Variants in MPPED2 observed in about 807,000 individuals in gnomAD.
The protein encoded by MPPED2 is metallophosphoesterase domain containing 2, also known as metallophosphoesterase MPPED2.
Under a neutral mutation model 33.0 loss-of-function variants are expected in MPPED2, and 5 were observed. The ratio of observed to expected loss-of-function variants is 0.15; its 90% confidence interval spans 0.08 to 0.32. The LOEUF (loss-of-function observed/expected upper bound fraction) is 0.32, where lower values mean the gene tolerates loss of function less well. Among genes scored for constraint, MPPED2 ranks in the 10% least tolerant of loss-of-function variants. MPPED2 has a pLI of 1.00. For missense variants in MPPED2, 275 were observed against 372.1 expected, an observed-to-expected ratio of 0.74 and a Z score of 2.15; for synonymous variants, 136 against 141.9, an observed-to-expected ratio of 0.96 and a Z score of 0.29.
downstream of MPPED2, among the ~76,000 whole-genome samples, chr11:30,407,389 A>G (rs1171668355): frequency 1.3e-5 from 2 of 152,240 alleles, no homozygotes; most frequent in African/African-American, 2.4e-5. Context: ...TTTGGAGATT[A>G]GAAGTGATTT....
At chr11:30,573,614 G>A (rs1396661015) in intron 2 of MPPED2, among the ~76,000 whole-genome samples, 2 of 152,128 alleles carry the variant, frequency 1.3e-5, no homozygotes, top group African/African-American at 2.4e-5. Context: ...GAATGATCCT[G>A]ACCCTATGTA....
At chr11:30,496,759 G>C (rs1952281679) in intron 3 of MPPED2, among the ~76,000 whole-genome samples, 3 of 152,036 alleles carry the variant, frequency 2.0e-5, no homozygotes, top group Non-Finnish European at 2.9e-5. Context: ...CAGTCCACTT[G>C]GATTTCAGCA....
intron 6 of MPPED2, chr11:30,389,008 G>C (rs1038492624): frequency 2.1e-5 from 32 of 1,507,218 alleles, no homozygotes; most frequent in Middle Eastern, 2.1e-4. Context: ...AGATGAACAT[G>C]ACCTAAATTA....
intron 6 of MPPED2, among the ~76,000 whole-genome samples, chr11:30,400,785 G>A (rs1225840550): frequency 6.8e-6 from 1 of 146,476 alleles, no homozygotes; most frequent in Non-Finnish European, 1.5e-5. Flanking sequence ...TTTAGATATA[G>A]CATCTTGCTC....
chr11:30,583,127 A>C (rs547866521), intron 1 of MPPED2, among the ~76,000 whole-genome samples: 3 of 86,966 alleles, frequency 3.4e-5, no homozygotes, highest in African/African-American at 1.2e-4. Flanking sequence ...CCTGGAAAAG[A>C]CTTTTTCTTT....
At chr11:30,459,914 G>T (rs1037797435) in intron 4 of MPPED2, among the ~76,000 whole-genome samples, 1 of 152,190 alleles carries the variant, frequency 6.6e-6, no homozygotes, top group African/African-American at 2.4e-5. Context: ...AAAGGAAATG[G>T]CTTGAACTAT....
intron 4 of MPPED2, among the ~76,000 whole-genome samples, chr11:30,428,667 T>C (rs1318650638): frequency 6.6e-6 from 1 of 152,220 alleles, no homozygotes; most frequent in Non-Finnish European, 1.5e-5. Context: ...TGCTTTCTAC[T>C]TAGCAATATG....
At chr11:30,457,737 C>T (rs1365355459) in intron 4 of MPPED2, among the ~76,000 whole-genome samples, 1 of 152,134 alleles carries the variant, frequency 6.6e-6, no homozygotes, top group Non-Finnish European at 1.5e-5. Flanking sequence ...AGGTCATGCC[C>T]TTTCAAGTAC....
intron 6 of MPPED2, among the ~76,000 whole-genome samples, chr11:30,395,362 C>G (rs1014127477): frequency 3.3e-5 from 5 of 152,130 alleles, no homozygotes; most frequent in Middle Eastern, 3.4e-3. Flanking sequence ...AATAACATAC[C>G]CAAGCCTACT....
At chr11:30,403,383 G>C (rs989012125) in intron 6 of MPPED2, among the ~76,000 whole-genome samples, 1 of 152,194 alleles carries the variant, frequency 6.6e-6, no homozygotes, top group African/African-American at 2.4e-5. Flanking sequence ...CATTGAGGTA[G>C]ATACACACAT....
At chr11:30,433,102 G>C (rs1417405812) in intron 4 of MPPED2, among the ~76,000 whole-genome samples, 2 of 152,146 alleles carry the variant, frequency 1.3e-5, no homozygotes, top group African/African-American at 4.8e-5. Context: ...AAGGTTTCCT[G>C]GTGTAACTTT....
At chr11:30,449,901 T>A (rs1949976383) in intron 4 of MPPED2, among the ~76,000 whole-genome samples, 1 of 152,366 alleles carries the variant, frequency 6.6e-6, no homozygotes, top group African/African-American at 2.4e-5. Flanking sequence ...ACAATTCATC[T>A]GCCCTAGATG....
intron 3 of MPPED2, among the ~76,000 whole-genome samples, chr11:30,528,892 A>T (rs1198483974): frequency 1.3e-5 from 2 of 152,252 alleles, no homozygotes; most frequent in Admixed American, 1.3e-4. Flanking sequence ...GAGAAATTTG[A>T]TAATACATAA....
At chr11:30,517,752 G>C (rs1209080618) in intron 3 of MPPED2, among the ~76,000 whole-genome samples, 1 of 152,066 alleles carries the variant, frequency 6.6e-6, no homozygotes, top group African/African-American at 2.4e-5. Context: ...ACTACCAAAG[G>C]ACGAAGAAAG....
Position 30,551,227 on chromosome 11 carries a change from A to G in MPPED2, c.129-15052T>C, listed in dbSNP as rs112909277. The stretch of plus-strand genomic sequence containing the variant: ...AACACTATTCCCACGCTTAGGCACC[A>G]TGCCAAGCACTTTATGAACATTACC... On this transcript the variant is annotated intron_variant, in intron 2 of 6. Transcript: ENST00000358117. Among the ~76,000 whole-genome samples the G allele has an allele frequency of 2.4e-3, 372 of 152,336 alleles. 6 individuals carry two copies. Among genetic ancestry groups the G allele is most frequent in the African/African-American group, 8.4e-3 (350 of 41,590 alleles).
At chr11:30,531,888 A>C (rs1309152500) in intron 3 of MPPED2, among the ~76,000 whole-genome samples, 2 of 152,232 alleles carry the variant, frequency 1.3e-5, no homozygotes, top group Non-Finnish European at 2.9e-5. Context: ...AGTTATTCGA[A>C]GAACCATGGT....
At position 30,403,676 on chromosome 11, in the gene MPPED2, C is replaced by G. The variant is rs190312208; in HGVS notation, c.766+10552G>C. The stretch of plus-strand genomic sequence containing the variant: ...TCATTATCACCATCGTCTAATGAAA[C>G]AAAAGGTATGTGGAGTGGCCCCTTC... On this transcript the variant is annotated intron_variant, in intron 6 of 6. Transcript: ENST00000448418. Among the ~76,000 whole-genome samples the G allele has an allele frequency of 2.6e-5, 4 of 152,292 alleles. No individual in the cohort carries two copies. In the East Asian group the frequency reaches 7.7e-4, roughly 29 times the overall value.
At chr11:30,521,219 A>T in intron 3 of MPPED2, among the ~76,000 whole-genome samples, 1 of 152,186 alleles carries the variant, frequency 6.6e-6, no homozygotes, top group East Asian at 1.9e-4. Flanking sequence ...TATTCACAGA[A>T]ATCCTGGATT....
chr11:30,448,098 A>AT (rs951396294), intron 4 of MPPED2, among the ~76,000 whole-genome samples: 1 of 152,050 alleles, frequency 6.6e-6, no homozygotes, highest in Non-Finnish European at 1.5e-5. Context: ...TACAGGGGGT[A>AT]TTTTTTCAGA....
Sources: gnomAD v4.1 joint callset for allele counts (sites outside exome capture counted in the v4.1 genomes callset) on GRCh38, gnomAD v4.1.1 for gene constraint, MANE v1.5 for transcripts, NCBI Gene and HGNC (gene_info 2026-07-23, HGNC 2026-07-21) for gene names.